Variants in ANAPC10 observed in about 807,000 individuals in gnomAD.
ANAPC10 encodes the protein anaphase promoting complex subunit 10, also known as anaphase-promoting complex subunit 10.
A neutral mutation model predicts 22.0 loss-of-function variants in ANAPC10; 12 were observed. That is an observed-to-expected ratio of 0.55 (90% CI 0.35 to 0.88). The LOEUF is 0.88. Among genes scored for constraint, ANAPC10 ranks in the 40% least tolerant of loss-of-function variants. ANAPC10 has a pLI of 0.01. For synonymous variants in ANAPC10, 65 were observed against 69.5 expected (o/e 0.94, Z 0.32); for missense variants, 188 against 220.9 (o/e 0.85, Z 0.94).
intron 4 of ANAPC10, among the ~76,000 whole-genome samples, chr4:145,038,823 A>C (rs1188152940): frequency 1.3e-4 from 2 of 15,602 alleles, no homozygotes; most frequent in African/African-American, 1.9e-3. Flanking sequence ...CTCTGTCTCA[A>C]AAAAAAAAAA....
intron 4 of ANAPC10, among the ~76,000 whole-genome samples, chr4:145,049,036 A>G (rs886710684): frequency 6.6e-6 from 1 of 152,238 alleles, no homozygotes; most frequent in Non-Finnish European, 1.5e-5. Context: ...TTGGTTTCTC[A>G]GTGCATATAT....
chr4:145,070,240 C>T (rs183488159), intron 3 of ANAPC10, among the ~76,000 whole-genome samples: 22 of 152,254 alleles, frequency 1.4e-4, no homozygotes, highest in African/African-American at 5.1e-4. Context: ...CCGTCATATA[C>T]ACATTGTCTA....
rs183863531 is a variant in ANAPC10, at chr4:145,017,095, C to G, written c.328-21492G>C. On this transcript the variant is annotated intron_variant, in intron 4 of 4. Coordinates refer to ENST00000507656, the MANE Select transcript of ANAPC10 (RefSeq NM_001256706.2). ...TCATGTCTAAAACACCAAAAGCAAT[C>G]GCAACAAAAGCCAAAATTGACAAAT... is the stretch of plus-strand genomic sequence containing the variant. 3.7e-3 allele frequency among the ~76,000 whole-genome samples: 558 copies of G among 152,054 alleles called. 3 individuals are homozygous for G. Among genetic ancestry groups the G allele is most frequent in the Middle Eastern group, 0.014 (4 of 294 alleles).
At chr4:145,078,555 C>T (rs1745513153) in intron 3 of ANAPC10, among the ~76,000 whole-genome samples, 1 of 152,066 alleles carries the variant, frequency 6.6e-6, no homozygotes, top group Non-Finnish European at 1.5e-5. Context: ...AAAAAAGAGC[C>T]TCAATAGCCA....
chr4:145,044,522 A>C (rs915473967), intron 4 of ANAPC10, among the ~76,000 whole-genome samples: 3 of 152,042 alleles, frequency 2.0e-5, no homozygotes, highest in Non-Finnish European at 4.4e-5. Context: ...CTGCTAACTG[A>C]ATCATAGCAT....
At chr4:145,049,469 G>C (rs144552722) in intron 4 of ANAPC10, among the ~76,000 whole-genome samples, 1 of 152,160 alleles carries the variant, frequency 6.6e-6, no homozygotes, top group East Asian at 1.9e-4. Flanking sequence ...AATGTTCACA[G>C]CACCTTCACA....
intron 4 of ANAPC10, among the ~76,000 whole-genome samples, chr4:144,998,378 T>C (rs1369668084): frequency 2.0e-5 from 3 of 152,090 alleles, no homozygotes; most frequent in Non-Finnish European, 4.4e-5. Context: ...TATCACAAAC[T>C]GTCTCTAAGA....
At chr4:145,050,216 C>G (rs1299703328) in intron 4 of ANAPC10, among the ~76,000 whole-genome samples, 1 of 152,182 alleles carries the variant, frequency 6.6e-6, no homozygotes, top group East Asian at 1.9e-4. Flanking sequence ...CCTTGTACAT[C>G]TCCATCAAAG....
intron 4 of ANAPC10, among the ~76,000 whole-genome samples, chr4:145,026,945 ATG>A (rs1553967000): frequency 5.8e-5 from 1 of 17,138 alleles, no homozygotes; most frequent in African/African-American, 1.6e-4. Context: ...ATATATATAT[ATG>A]TGTGTGTGTG....
intron 2 of ANAPC10, among the ~76,000 whole-genome samples, chr4:145,086,555 T>C (rs542627860): frequency 6.6e-6 from 1 of 152,312 alleles, no homozygotes; most frequent in South Asian, 2.1e-4. Flanking sequence ...GTTTATGTTG[T>C]GATAAATCCT....
chr4:145,008,716 A>T (rs1578886758), intron 4 of ANAPC10, among the ~76,000 whole-genome samples: 1 of 152,174 alleles, frequency 6.6e-6, no homozygotes, highest in Non-Finnish European at 1.5e-5. Flanking sequence ...TTTATGACAA[A>T]CCCACAGCCA....
intron 4 of ANAPC10, among the ~76,000 whole-genome samples, chr4:145,032,076 C>A (rs927822948): frequency 1.3e-5 from 2 of 152,298 alleles, no homozygotes; most frequent in East Asian, 3.9e-4. Flanking sequence ...CATCTCTCCC[C>A]CAGCCTGCAC....
chr4:145,076,305 T>A (rs972342254), intron 3 of ANAPC10, among the ~76,000 whole-genome samples: 6 of 152,178 alleles, frequency 3.9e-5, no homozygotes, highest in African/African-American at 1.4e-4. Context: ...CCCTCTGGAT[T>A]ACAGCATGCA....
intron 3 of ANAPC10, among the ~76,000 whole-genome samples, chr4:145,067,177 T>C: frequency 6.6e-6 from 1 of 152,178 alleles, no homozygotes; most frequent in East Asian, 1.9e-4. Context: ...AAAAATAATA[T>C]TTCATGGAAA....
intron 4 of ANAPC10, among the ~76,000 whole-genome samples, chr4:145,053,502 T>A (rs539646173): frequency 1.2e-3 from 177 of 152,368 alleles, no homozygotes; most frequent in African/African-American, 3.9e-3. Context: ...ATTAGCTATC[T>A]AATTACAAAG....
chr4:144,998,105 G>C (rs1263711803), intron 4 of ANAPC10, among the ~76,000 whole-genome samples: 1 of 152,138 alleles, frequency 6.6e-6, no homozygotes, highest in Non-Finnish European at 1.5e-5. Flanking sequence ...TCTATAAAGA[G>C]ACTTAGACTC....
At chr4:145,027,631 T>C (rs897982421) in intron 4 of ANAPC10, among the ~76,000 whole-genome samples, 1 of 152,098 alleles carries the variant, frequency 6.6e-6, no homozygotes, top group Non-Finnish European at 1.5e-5. Context: ...GAAAAATAGA[T>C]CACATGCAAA....
At chr4:145,043,098 A>C (rs1239652603) in intron 4 of ANAPC10, among the ~76,000 whole-genome samples, 1 of 152,108 alleles carries the variant, frequency 6.6e-6, no homozygotes, top group Non-Finnish European at 1.5e-5. Flanking sequence ...TCTTACTAGA[A>C]ACAGTATTAT....
At chr4:145,007,626 C>G (rs931538703) in intron 4 of ANAPC10, among the ~76,000 whole-genome samples, 11 of 151,942 alleles carry the variant, frequency 7.2e-5, no homozygotes, top group Non-Finnish European at 5.9e-5. Flanking sequence ...TTTTTGAAAC[C>G]AATGAGAACA....
Sources: allele counts gnomAD v4.1 joint callset (sites outside exome capture counted in the v4.1 genomes callset), GRCh38; gene constraint gnomAD v4.1.1; transcripts MANE v1.5; gene names NCBI Gene and HGNC (gene_info 2026-07-23, HGNC 2026-07-21).